TTC7B: variants seen among roughly 807,000 people sequenced by gnomAD.
TTC7B encodes the protein tetratricopeptide repeat domain 7B, also known as tetratricopeptide repeat protein 7B.
In TTC7B, 28 loss-of-function variants were observed where a neutral mutation model predicts 106.8. The ratio of observed to expected loss-of-function variants is 0.26; its 90% CI spans 0.19 to 0.36. The LOEUF is 0.36. Among genes scored for constraint, TTC7B ranks in the 10% least tolerant of loss-of-function variants. The probability of loss-of-function intolerance (pLI) is 1.00; values close to 1 mark genes in which losing one functional copy is unlikely to be tolerated. For missense variants in TTC7B, 862 were observed against 1,076.4 expected (o/e 0.80, Z 2.79); for synonymous variants, 405 against 430.6 (o/e 0.94, Z 0.74).
chr14:90,611,483 G>A (rs1193594750), intron 16 of TTC7B, among the ~76,000 whole-genome samples: 1 of 152,146 alleles, frequency 6.6e-6, no homozygotes, highest in Non-Finnish European at 1.5e-5. Context: ...CAGAATGTAG[G>A]CCTTTGTGCT....
rs189063399 is a variant in TTC7B at position 90,593,460 on chromosome 14, C to T, written c.2107+26G>A. ...CGGAGCCCAGGCTCTGGCACAGCAG[C>T]GGGTTGTGGGTGAGGCGGAGGGTAC... On this transcript the variant is annotated intron_variant, in intron 18 of 19. Coordinates refer to ENST00000328459, the MANE Select transcript of TTC7B (RefSeq NM_001010854.2). 2.2e-4 allele frequency: 347 copies of T among 1,551,138 alleles called. 6 individuals are homozygous for T. The South Asian group carries it at 3.8e-3, about 17-fold the overall frequency.
intron 9 of TTC7B, among the ~76,000 whole-genome samples, chr14:90,672,459 G>C (rs1886671031): frequency 6.6e-6 from 1 of 152,264 alleles, no homozygotes; most frequent in East Asian, 1.9e-4. Flanking sequence ...TTCTCCATGA[G>C]AGCAAGCCCT....
rs910563479 is a variant in TTC7B, at chr14:90,624,630, G to A, written c.1752-6585C>T. On this transcript the variant is annotated intron_variant, in intron 15 of 19. Transcript: ENST00000328459. The surrounding 1 kb of genome is among the most constrained non-coding windows in gnomAD (Gnocchi z 4.0). ...ATTCTGAGCCGTCCGAAGAACTCTCGATGAAAATAAGTTAGAGAAGTTCAG... is the reference window on the plus strand; with the variant it reads ...ATTCTGAGCCGTCCGAAGAACTCTCAATGAAAATAAGTTAGAGAAGTTCAG... Among the ~76,000 whole-genome samples the A allele has an allele frequency of 6.6e-6, 1 of 152,204 alleles. No individual in the cohort carries two copies. The highest frequency in any genetic ancestry group is 1.5e-5 in the Non-Finnish European group (1 of 68,030).
Position 90,541,083 on chromosome 14 carries a change from T to C in TTC7B, c.*285A>G, listed in dbSNP as rs1469554674. ...CATTTGCTGATTAATTCCATAATCATTTTACTGAAAACTCAGATGTCAACT... is the reference window on the plus strand; with the variant it reads ...CATTTGCTGATTAATTCCATAATCACTTTACTGAAAACTCAGATGTCAACT... On this transcript the variant is annotated 3_prime_UTR_variant, in exon 20 of 20. Transcript: ENST00000328459. 1 of 389,218 alleles carries C rather than the reference T, an allele frequency of 2.6e-6. No individual in the cohort carries two copies. The highest frequency in any genetic ancestry group is 4.6e-6 in the Non-Finnish European group (1 of 219,046). 24.1% of individuals were successfully genotyped at this position (389,218 alleles called of 1,614,324 possible).
intron 3 of TTC7B, among the ~76,000 whole-genome samples, chr14:90,764,456 T>C (rs1890607714): frequency 6.6e-6 from 1 of 151,222 alleles, no homozygotes; most frequent in Non-Finnish European, 1.5e-5. Flanking sequence ...GAAAAAAAAA[T>C]GAACTGGACT....
Position 90,577,566 on chromosome 14 carries a change from T to G in TTC7B, c.2310+540A>C, listed in dbSNP as rs1194229880. ...AGTGTGGACACTAGGGTGACTCATCTGCCTCCCACCTCTCAGGGCAACATG... is the reference window on the plus strand; with the variant it reads ...AGTGTGGACACTAGGGTGACTCATCGGCCTCCCACCTCTCAGGGCAACATG... On this transcript the variant is annotated intron_variant, in intron 19 of 19. Coordinates refer to ENST00000328459, the MANE Select transcript of TTC7B (RefSeq NM_001010854.2). This position sits in a 1 kb window ranked among gnomAD's most constrained non-coding sequence, Gnocchi z 5.0. Among the ~76,000 whole-genome samples the G allele has an allele frequency of 1.3e-5, 2 of 152,184 alleles. No individual in the cohort carries two copies. The highest frequency in any genetic ancestry group is 6.5e-5 in the Admixed American group (1 of 15,278).
intron 15 of TTC7B, among the ~76,000 whole-genome samples, chr14:90,619,689 A>G (rs1893231929): frequency 6.6e-6 from 1 of 152,144 alleles, no homozygotes; most frequent in Admixed American, 6.6e-5. Context: ...GGTGGTGTCT[A>G]ACACTCTTCA....
rs1387708333 is a variant in TTC7B, at chr14:90,531,480, G to C, written c.*9888C>G. The stretch of plus-strand genomic sequence containing the variant: ...AACAAAAAACAAAAATCAGCTGGAC[G>C]TGATGGCGCATGCCTGTAATCCCAG... On this transcript the variant is annotated 3_prime_UTR_variant, in exon 20 of 20. Transcript: ENST00000328459. 6.6e-6 allele frequency: 1 copy of C among 151,974 alleles called. No homozygotes were observed. Among genetic ancestry groups the C allele is most frequent in the Non-Finnish European group, 1.5e-5 (1 of 67,992 alleles). The allele number at this position is 151,974 out of a possible 1,614,324, so 9.4% of individuals were successfully genotyped here.
chr14:90,566,411 TA>T (rs1890800982), intron 19 of TTC7B, among the ~76,000 whole-genome samples: 1 of 151,308 alleles, frequency 6.6e-6, no homozygotes, highest in South Asian at 2.1e-4. Flanking sequence ...CTTCAATTAG[TA>T]AAAAATGAGT....
chr14:90,601,561 C>T (rs889379139), intron 17 of TTC7B, among the ~76,000 whole-genome samples: 2 of 152,174 alleles, frequency 1.3e-5, no homozygotes, highest in African/African-American at 2.4e-5. Context: ...GAACTCAAGT[C>T]GGTAATCTTG....
At chr14:90,645,655 G>C (rs1411259739) in intron 14 of TTC7B, among the ~76,000 whole-genome samples, 4 of 152,194 alleles carry the variant, frequency 2.6e-5, no homozygotes, top group African/African-American at 9.7e-5. Flanking sequence ...TGGGTGGGTC[G>C]AAAGGCAAAG....
intron 3 of TTC7B, chr14:90,766,882 C>T (rs887495077): frequency 5.6e-6 from 9 of 1,594,126 alleles, no homozygotes; most frequent in South Asian, 2.2e-5. Flanking sequence ...GAAGAAGATT[C>T]GGGCCCATAG....
chr14:90,555,992 C>T (rs906138085), intron 19 of TTC7B, among the ~76,000 whole-genome samples: 10 of 152,256 alleles, frequency 6.6e-5, no homozygotes, highest in African/African-American at 1.7e-4. Flanking sequence ...CGGCTGCAGC[C>T]TAAGGCACAG....
chr14:90,568,702 C>T (rs1233177728), intron 19 of TTC7B, among the ~76,000 whole-genome samples: 1 of 152,108 alleles, frequency 6.6e-6, no homozygotes, highest in Non-Finnish European at 1.5e-5. Context: ...ATCCAAGCAC[C>T]AAGCAGAAAA....
intron 5 of TTC7B, among the ~76,000 whole-genome samples, chr14:90,711,141 G>A (rs895771302): frequency 2.0e-5 from 3 of 152,102 alleles, no homozygotes; most frequent in African/African-American, 7.2e-5. Flanking sequence ...GAGGGTCATA[G>A]GAATATATAG....
At chr14:90,712,513 T>G (rs1292334994) in intron 5 of TTC7B, among the ~76,000 whole-genome samples, 1 of 152,094 alleles carries the variant, frequency 6.6e-6, no homozygotes, top group Non-Finnish European at 1.5e-5. Flanking sequence ...AAAATGAAAT[T>G]AAGAAAGCAA....
chr14:90,546,363 T>C (rs1488921655), intron 19 of TTC7B, among the ~76,000 whole-genome samples: 1 of 152,206 alleles, frequency 6.6e-6, no homozygotes, highest in Non-Finnish European at 1.5e-5. Flanking sequence ...CCCGGCTTGC[T>C]CTCTCCTCCG....
At chr14:90,707,857 T>A (rs1888273351) in intron 5 of TTC7B, among the ~76,000 whole-genome samples, 1 of 152,078 alleles carries the variant, frequency 6.6e-6, no homozygotes, top group Non-Finnish European at 1.5e-5. Context: ...GATATAAAAG[T>A]GCAAGGTGGA....
intron 3 of TTC7B, among the ~76,000 whole-genome samples, chr14:90,754,099 G>C (rs993819286): frequency 1.3e-5 from 2 of 152,164 alleles, no homozygotes; most frequent in Non-Finnish European, 2.9e-5. Flanking sequence ...TGCTATGAGG[G>C]AACCCTGTGT....
Sources: gnomAD v4.1 joint callset for allele counts (sites outside exome capture counted in the v4.1 genomes callset) on GRCh38, gnomAD v4.1.1 for gene constraint, Gnocchi (gnomAD v3.1) non-coding constraint, MANE v1.5 for transcripts, NCBI Gene and HGNC (gene_info 2026-07-23, HGNC 2026-07-21) for gene names.